SCN1A: variants seen among roughly 807,000 people sequenced by gnomAD.
The protein encoded by SCN1A is sodium voltage-gated channel alpha subunit 1.
SCN1A carries 13 observed loss-of-function variants against 193.7 expected under a neutral mutation model. The ratio of observed to expected loss-of-function variants is 0.07; its 90% CI spans 0.04 to 0.11. The LOEUF is 0.11. Among genes scored for constraint, SCN1A ranks in the 10% least tolerant of loss-of-function variants. The pLI, the probability that SCN1A is intolerant of heterozygous loss-of-function variation, is 1.00. For missense variants in SCN1A, 1,432 were observed against 2,451.1 expected, an observed-to-expected ratio of 0.58 and a Z score of 8.78; for synonymous variants, 781 against 843.6, an observed-to-expected ratio of 0.93 and a Z score of 1.29.
chr2:166,146,407 T>A (rs143307111), intron 1 of SCN1A, among the ~76,000 whole-genome samples: 1 of 152,262 alleles, frequency 6.6e-6, no homozygotes, highest in Non-Finnish European at 1.5e-5. Flanking sequence ...TTATTTATTA[T>A]GATGGAACTT....
chr2:166,039,351 T>C, intron 17 of SCN1A, 72 bp downstream of exon 17: 1 of 1,489,228 alleles, frequency 6.7e-7, no homozygotes, highest in South Asian at 1.2e-5. Context: ...AAAAAAACTA[T>C]GACATTGCTA....
At chr2:166,103,057 T>G (rs190970551) in intron 2 of SCN1A, among the ~76,000 whole-genome samples, 12 of 146,124 alleles carry the variant, frequency 8.2e-5, no homozygotes, top group Non-Finnish European at 1.5e-5. Context: ...AGCCTGACTT[T>G]AGATTTGGGA....
At chr2:166,011,915 C>T (rs1197443720) in intron 22 of SCN1A, among the ~76,000 whole-genome samples, 194 bp downstream of exon 22, 5 of 151,282 alleles carry the variant, frequency 3.3e-5, no homozygotes, top group Admixed American at 6.6e-5. Context: ...TAGATTCCAT[C>T]CCCCAATGTT....
intron 2 of SCN1A, among the ~76,000 whole-genome samples, chr2:166,110,798 C>A (rs1689212600): frequency 6.6e-6 from 1 of 152,114 alleles, no homozygotes; most frequent in South Asian, 2.1e-4. Flanking sequence ...GGGAGGAACC[C>A]AGTGGGAGGT....
intron 1 of SCN1A, among the ~76,000 whole-genome samples, chr2:166,141,339 G>T (rs1434450351): frequency 6.6e-6 from 1 of 151,190 alleles, no homozygotes; most frequent in African/African-American, 2.4e-5. Context: ...TAGAATTCTT[G>T]TGTATATCCA....
At chr2:166,028,872 A>C (rs16851371) in intron 19 of SCN1A, among the ~76,000 whole-genome samples, 3,975 of 152,178 alleles carry the variant, frequency 0.026, 185 homozygotes, top group African/African-American at 0.09. Context: ...ATTGCCACAC[A>C]CTCTAATAGG....
chr2:166,114,399 T>C (rs1384420021), intron 2 of SCN1A, among the ~76,000 whole-genome samples: 1 of 152,102 alleles, frequency 6.6e-6, no homozygotes, highest in Non-Finnish European at 1.5e-5. Context: ...TGATTCCTAC[T>C]CCCAGTGAGG....
intron 19 of SCN1A, among the ~76,000 whole-genome samples, chr2:166,033,970 A>G (rs892718339): frequency 1.8e-5 from 1 of 55,232 alleles, no homozygotes; most frequent in African/African-American, 9.6e-5. Flanking sequence ...TTCAGAAACA[A>G]TTTTATAAAG....
upstream of SCN1A, among the ~76,000 whole-genome samples, chr2:166,130,956 CTA>C (rs1406151197): frequency 2.0e-5 from 3 of 152,096 alleles, no homozygotes; most frequent in Non-Finnish European, 4.4e-5. Context: ...CTGTGCTACC[CTA>C]TGTCACTACT....
chr2:166,133,377 C>A (rs1173201579), intron 1 of SCN1A, among the ~76,000 whole-genome samples: 2 of 152,092 alleles, frequency 1.3e-5, no homozygotes, highest in Non-Finnish European at 2.9e-5. Flanking sequence ...AACAATATTC[C>A]TAAACCAAAT....
At chr2:166,115,956 T>C (rs1689809557) in intron 2 of SCN1A, among the ~76,000 whole-genome samples, 1 of 152,208 alleles carries the variant, frequency 6.6e-6, no homozygotes, top group Admixed American at 6.5e-5. Context: ...GAAGAGGTCG[T>C]GGCTATTCAC....
At position 166,044,005 on chromosome 2, in the gene SCN1A, A is replaced by G. The variant is rs778432457; in HGVS notation, c.1707T>C (p.Asn569=). The G allele has an allele frequency of 1.2e-6, 2 of 1,614,150 alleles. No individual in the cohort carries two copies. The highest frequency in any genetic ancestry group is 1.1e-5 in the South Asian group (1 of 91,080). The change falls in exon 14 of 29, where the codon AAT becomes AAC. Residue 569 remains asparagine (N), a synonymous_variant. Coordinates refer to ENST00000674923, the MANE Select transcript of SCN1A (RefSeq NM_001165963.4). ...TAAAGCTGAAAAGGCTTGTTCTGCTATTTCGCCTTGGTGAAAATAGGGAGC... is the reference window on the plus strand; with the variant it reads ...TAAAGCTGAAAAGGCTTGTTCTGCTGTTTCGCCTTGGTGAAAATAGGGAGC... ...IRGSLFSPRR[N]SRTSLFSFRG...
In SCN1A at chr2:166,109,121, CT is replaced by C. The variant is rs35605084; in HGVS notation, c.-142+17802del. On this transcript the variant is annotated intron_variant, in intron 2 of 28. Transcript: ENST00000674923. Reference sequence around the variant, plus strand: ...AATAAATACATCTTTTAGTAATTTTCTTTTTGCCTAAAGTCAAGAATAATTG... The same window carrying C: ...AATAAATACATCTTTTAGTAATTTTCTTTTGCCTAAAGTCAAGAATAATTG... 5.7e-3 allele frequency among the ~76,000 whole-genome samples: 867 copies of C among 152,096 alleles called. 13 individuals are homozygous for C. Among genetic ancestry groups the C allele is most frequent in the African/African-American group, 0.02 (846 of 41,518 alleles).
intron 1 of SCN1A, among the ~76,000 whole-genome samples, chr2:166,141,781 A>G (rs1692098542): frequency 6.6e-6 from 1 of 151,130 alleles, no homozygotes; most frequent in Non-Finnish European, 1.5e-5. Flanking sequence ...TTTCTTTACA[A>G]TTGCATTTCC....
chr2:166,068,659 C>A (rs1432103990), intron 4 of SCN1A, among the ~76,000 whole-genome samples: 1 of 152,146 alleles, frequency 6.6e-6, no homozygotes, highest in African/African-American at 2.4e-5. Context: ...CTAAAAACTC[C>A]TTTGGCAGTG....
chr2:166,101,482 A>G (rs1282770930), intron 2 of SCN1A, among the ~76,000 whole-genome samples: 1 of 137,490 alleles, frequency 7.3e-6, no homozygotes, highest in African/African-American at 2.7e-5. Context: ...CACAATGTGC[A>G]CATGTACCCT....
At chr2:166,128,532 G>T (rs796647843), upstream of SCN1A, among the ~76,000 whole-genome samples, 12 of 152,062 alleles carry the variant, frequency 7.9e-5, no homozygotes, top group African/African-American at 2.7e-4. Context: ...GAACAGCTCA[G>T]AGTCACAAAA....
At chr2:166,130,581 G>T (rs1000173124), upstream of SCN1A, among the ~76,000 whole-genome samples, 1 of 152,148 alleles carries the variant, frequency 6.6e-6, no homozygotes, top group African/African-American at 2.4e-5. Flanking sequence ...TCAGCAGATA[G>T]AATTCTTTTT....
At chr2:166,002,292 G>C (rs1690990040) in intron 24 of SCN1A, among the ~76,000 whole-genome samples, 180 bp downstream of exon 24, 1 of 151,670 alleles carries the variant, frequency 6.6e-6, no homozygotes, top group African/African-American at 2.4e-5. Context: ...TATATCTGCA[G>C]TCCTTACATG....
Sources: allele counts gnomAD v4.1 joint callset (sites outside exome capture counted in the v4.1 genomes callset), GRCh38; gene constraint gnomAD v4.1.1; transcripts MANE v1.5; gene names NCBI Gene and HGNC (gene_info 2026-07-23, HGNC 2026-07-21).